Variants in LCOR observed in about 807,000 individuals in gnomAD.
LCOR encodes the protein ligand-dependent corepressor.
In LCOR, 14 loss-of-function variants were observed where a neutral mutation model predicts 64.4. The observed-to-expected ratio is 0.22, with a 90% CI of 0.14 to 0.34. The LOEUF (loss-of-function observed/expected upper bound fraction) is 0.34. Among genes scored for constraint, LCOR ranks in the 10% least tolerant of loss-of-function variants. The pLI is 1.00. For synonymous variants in LCOR, 643 were observed against 642.5 expected (o/e 1.00, Z -0.01); for missense variants, 1,686 against 1,765.3 (o/e 0.96, Z 0.80).
intron 2 of LCOR, among the ~76,000 whole-genome samples, chr10:96,868,517 AC>A (rs1846016857): frequency 6.6e-6 from 1 of 151,144 alleles, no homozygotes; most frequent in Admixed American, 6.6e-5. Flanking sequence ...CTCGTGATGC[AC>A]CTGCCTCGGC....
intron 2 of LCOR, among the ~76,000 whole-genome samples, chr10:96,834,152 T>C (rs554219356): frequency 1.2e-4 from 19 of 152,228 alleles, no homozygotes; most frequent in African/African-American, 4.3e-4. Flanking sequence ...ATTACGAAAA[T>C]GTATAGCGTG....
intron 2 of LCOR, among the ~76,000 whole-genome samples, chr10:96,897,357 C>T (rs1298665243): frequency 6.6e-6 from 1 of 152,178 alleles, no homozygotes; most frequent in Non-Finnish European, 1.5e-5. Flanking sequence ...CAGAGGTCTT[C>T]AAACGGATTG....
chr10:96,920,813 C>T (rs1847067896), intron 4 of LCOR, among the ~76,000 whole-genome samples: 1 of 146,602 alleles, frequency 6.8e-6, no homozygotes, highest in Non-Finnish European at 1.5e-5. Flanking sequence ...GGGTGGTGGG[C>T]GGGAGACAGG....
chr10:96,865,868 C>G (rs1845962331), intron 2 of LCOR, among the ~76,000 whole-genome samples: 1 of 126,072 alleles, frequency 7.9e-6, no homozygotes. Context: ...GAGCGAGACT[C>G]TGTCTCAAAA....
intron 4 of LCOR, among the ~76,000 whole-genome samples, chr10:96,920,718 GTATATATGTTCA>G (rs1564626448): frequency 1.8e-5 from 2 of 110,582 alleles, no homozygotes; most frequent in Admixed American, 9.3e-5. Context: ...GTGTATATAT[GTATATATGTTCA>G]TATATATGTG....
chr10:96,920,493 T>C (rs924086131), intron 4 of LCOR, among the ~76,000 whole-genome samples: 1 of 144,382 alleles, frequency 6.9e-6, no homozygotes, highest in African/African-American at 2.6e-5. Context: ...TATTCATATA[T>C]ATGTGTATAT....
Position 96,957,064 on chromosome 10 carries a change from G to A in LCOR, c.332+4868G>A, listed in dbSNP as rs375172781. ...CCCCAAGGTAACCCGATATGATTTA[G>A]GATGCATATCAGTTCTAACAATTCA... is the stretch of plus-strand genomic sequence containing the variant. On this transcript the variant is annotated intron_variant, in intron 7 of 7. Transcript: ENST00000421806. The A allele has an allele frequency of 3.2e-5, 32 of 985,124 alleles. No individual in the cohort carries two copies. In the East Asian group the frequency reaches 9.1e-4, roughly 28 times the overall value. 61.0% of individuals were successfully genotyped at this position (985,124 alleles called of 1,614,324 possible).
Position 96,984,465 on chromosome 10 carries a change from A to G in LCOR, c.4005A>G (p.Pro1335=). ...TCAAGAATGAGAAAATGGAATGCCCAGATGCTCTGGCTGTGGAAAGTAAGC... is the reference window on the plus strand; with the variant it reads ...TCAAGAATGAGAAAATGGAATGCCCGGATGCTCTGGCTGTGGAAAGTAAGC... ...RLIKNEKMEC[P]DALAVESKPS... Residue 1335 remains proline (P), a synonymous_variant, in exon 8 of 8, where the codon CCA becomes CCG. Coordinates refer to ENST00000421806, the MANE Select transcript of LCOR (RefSeq NM_001346516.2). 1 of 1,614,252 alleles carries G rather than the reference A, an allele frequency of 6.2e-7. No individual in the cohort carries two copies. The highest frequency in any genetic ancestry group is 1.7e-5 in the Admixed American group (1 of 60,034).
rs1845548432 is a variant in LCOR at position 96,841,924 on chromosome 10, A to G, written c.-330+8445A>G. 2.6e-5 allele frequency among the ~76,000 whole-genome samples: 4 copies of G among 152,000 alleles called. No homozygotes were observed. In the South Asian group the frequency reaches 8.3e-4, roughly 31 times the overall value. On this transcript the variant is annotated intron_variant, in intron 2 of 7. Transcript: ENST00000421806. ...CAGAGCATTATTATTTTTACTCATA[A>G]TACTAGATAGTCTGTGACTGTTGTT... is the stretch of plus-strand genomic sequence containing the variant.
intron 2 of LCOR, among the ~76,000 whole-genome samples, chr10:96,859,321 T>C (rs1289521490): frequency 6.6e-6 from 1 of 152,188 alleles, no homozygotes. Context: ...GCAATTCTCC[T>C]GCCTCAGCCT....
Position 96,832,323 on chromosome 10 carries a change from G to A in LCOR, c.-480G>A. On this transcript the variant is annotated 5_prime_UTR_variant, in exon 1 of 8. Coordinates refer to ENST00000421806, the MANE Select transcript of LCOR (RefSeq NM_001346516.2). ...AGAAGATGGCGAGGGTGTGTAGGCGGCAGCAATGCTCCGTTGAGAGACGCG... is the reference window on the plus strand; with the variant it reads ...AGAAGATGGCGAGGGTGTGTAGGCGACAGCAATGCTCCGTTGAGAGACGCG... 5.1e-6 allele frequency: 5 copies of A among 984,216 alleles called. No homozygotes were observed. The highest frequency in any genetic ancestry group is 6.0e-6 in the Non-Finnish European group (5 of 829,456). 61.0% of individuals were successfully genotyped at this position (984,216 alleles called of 1,614,324 possible). A position where few individuals can be genotyped will look rare whatever the true frequency, so the allele number is the denominator to read the frequency against.
intron 2 of LCOR, among the ~76,000 whole-genome samples, chr10:96,846,419 A>AT (rs932161217): frequency 7.3e-5 from 11 of 149,800 alleles, no homozygotes; most frequent in East Asian, 3.9e-4. Context: ...TGCCTGGCTA[A>AT]TTTTTTTTTT....
rs776143394 is a variant in LCOR at position 96,985,079 on chromosome 10, T to C, written c.4619T>C (p.Leu1540Pro). 7 of 1,613,650 alleles carry C rather than the reference T, an allele frequency of 4.3e-6. No individual in the cohort carries two copies. Among genetic ancestry groups the C allele is most frequent in the Middle Eastern group, 1.7e-4 (1 of 6,026 alleles). Residue 1540 changes from leucine to proline, a missense_variant, in exon 8 of 8, where the codon CTG becomes CCG. By Grantham distance (98) the Leu-to-Pro change is moderately conservative. Coordinates refer to ENST00000421806, the MANE Select transcript of LCOR (RefSeq NM_001346516.2). ...AGTGCAGCTCAGAGAAAGCGAAAGC[T>C]GAAGGCAAAGCTGGACTGTTCGCAC... ...ESSAAQRKRK[L>P]KAKLDCSHSK...
At chr10:96,942,688 A>G (rs1417919526) in intron 4 of LCOR, among the ~76,000 whole-genome samples, 4 of 152,186 alleles carry the variant, frequency 2.6e-5, no homozygotes, top group Non-Finnish European at 5.9e-5. Flanking sequence ...AGGATGGGAA[A>G]TCATAGAAAG....
chr10:96,985,001 A>G lies in LCOR; in HGVS notation c.4541A>G (p.Lys1514Arg). 10 of 1,614,222 alleles carry G rather than the reference A, an allele frequency of 6.2e-6. No individual in the cohort carries two copies. The highest frequency in any genetic ancestry group is 8.5e-6 in the Non-Finnish European group (10 of 1,180,046). ...AGGCCTCAGAAAGCCACGAATAGGA[A>G]GCAGAGTAGTGGAAAGACTCGGGCC... ...SSRPQKATNR[K>R]QSSGKTRARP... Residue 1514 changes from lysine (K) to arginine (R), a missense_variant, in exon 8 of 8, where the codon AAG (lysine) becomes AGG (arginine). Around this residue, in one of 3 missense-constraint regions of LCOR, gnomAD observed 1,293 missense variants for 1,410.4 expected, o/e 0.92. Transcript: ENST00000421806.
chr10:96,840,221 G>A (rs902939221), intron 2 of LCOR, among the ~76,000 whole-genome samples: 4 of 152,122 alleles, frequency 2.6e-5, no homozygotes, highest in Admixed American at 2.6e-4. Context: ...GTAATGAGTG[G>A]CATCTTCTAA....
At chr10:96,846,270 A>G (rs1470619247) in intron 2 of LCOR, among the ~76,000 whole-genome samples, 1 of 151,944 alleles carries the variant, frequency 6.6e-6, no homozygotes, top group Non-Finnish European at 1.5e-5. Flanking sequence ...CTTTTTTTAA[A>G]TTAAGACAGG....
intron 4 of LCOR, among the ~76,000 whole-genome samples, chr10:96,938,829 A>G (rs952110243): frequency 2.6e-5 from 4 of 152,244 alleles, no homozygotes; most frequent in Non-Finnish European, 5.9e-5. Flanking sequence ...TAAAAGAAAT[A>G]TAAGACTTGT....
rs373712435 is a variant in LCOR, at chr10:96,854,814, G to A, written c.-330+21335G>A. Among the ~76,000 whole-genome samples, 6 of 152,182 alleles carry A rather than the reference G, an allele frequency of 3.9e-5. No homozygotes were observed. In the South Asian group the frequency reaches 1.2e-3, roughly 32 times the overall value. ...GCGAATCTAAGATTTTCTGACTTCA[G>A]AGTGTAATTGCATTCATATGATTGT... On this transcript the variant is annotated intron_variant, in intron 2 of 7. Coordinates refer to ENST00000421806, the MANE Select transcript of LCOR (RefSeq NM_001346516.2).
Sources: allele counts gnomAD v4.1 joint callset (sites outside exome capture counted in the v4.1 genomes callset), GRCh38; gene constraint gnomAD v4.1.1; regional missense constraint gnomAD v4.1.1; transcripts MANE v1.5; gene names NCBI Gene and HGNC (gene_info 2026-07-23, HGNC 2026-07-21).